SLCO1B1: variants seen among roughly 807,000 people sequenced by gnomAD.
SLCO1B1 encodes solute carrier organic anion transporter family member 1B1.
A neutral mutation model predicts 70.1 loss-of-function variants in SLCO1B1; 81 were observed. The observed-to-expected ratio is 1.16, with a 90% CI of 0.97 to 1.39. The LOEUF (loss-of-function observed/expected upper bound fraction) is 1.39. SLCO1B1 is among the 40% of genes most tolerant of loss of function. SLCO1B1 has a pLI of 0.00. For missense variants in SLCO1B1, 895 were observed against 799.6 expected, an observed-to-expected ratio of 1.12 and a Z score of -1.44; for synonymous variants, 283 against 271.5, an observed-to-expected ratio of 1.04 and a Z score of -0.42.
intron 2 of SLCO1B1, among the ~76,000 whole-genome samples, chr12:21,145,932 G>T (rs1008114029): frequency 6.6e-6 from 1 of 151,842 alleles, no homozygotes; most frequent in African/African-American, 2.4e-5. Flanking sequence ...TCTTTGTGTG[G>T]TCTTGGTATT....
At chr12:21,135,954 T>A (rs1591793926) in intron 1 of SLCO1B1, among the ~76,000 whole-genome samples, 1 of 152,204 alleles carries the variant, frequency 6.6e-6, no homozygotes, top group African/African-American at 2.4e-5. Context: ...ATTTGGCATG[T>A]TTTTGCAGTG....
In SLCO1B1 at chr12:21,233,085, A is replaced by G. The variant is rs1383162566; in HGVS notation, c.1866-5894A>G. On this transcript the variant is annotated intron_variant, in intron 14 of 14. Coordinates refer to ENST00000256958, the MANE Select transcript of SLCO1B1 (RefSeq NM_006446.5). ...CATTTGTCACCTCATTCAGCACCCAATATTGACCTGGCGAGGCTCAAACTT... is the reference window on the plus strand; with the variant it reads ...CATTTGTCACCTCATTCAGCACCCAGTATTGACCTGGCGAGGCTCAAACTT... Among the ~76,000 whole-genome samples, 5 of 152,222 alleles carry G rather than the reference A, an allele frequency of 3.3e-5. 1 individual carries two copies. Among genetic ancestry groups the G allele is most frequent in the South Asian group, 4.2e-4 (2 of 4,818 alleles).
intron 9 of SLCO1B1, among the ~76,000 whole-genome samples, chr12:21,201,038 T>C (rs562274213): frequency 6.6e-6 from 1 of 152,230 alleles, no homozygotes; most frequent in African/African-American, 2.4e-5. Flanking sequence ...AAGACTCAGT[T>C]ACTTACAAAA....
chr12:21,133,496 C>CT (rs1014868880), intron 1 of SLCO1B1, among the ~76,000 whole-genome samples: 5 of 152,172 alleles, frequency 3.3e-5, no homozygotes, highest in African/African-American at 1.2e-4. Context: ...TTCGTATCCT[C>CT]TTTTATTTCA....
At position 21,218,540 on chromosome 12, in the gene SLCO1B1, C is replaced by T. The variant is rs1325554901; in HGVS notation, c.1682+1237C>T. ...GAATTTACAGTTGTTTAATTTTGAC[C>T]CTGACTGCAAATCTTATCAAATTAT... On this transcript the variant is annotated intron_variant, in intron 12 of 14. Transcript: ENST00000256958. Among the ~76,000 whole-genome samples the T allele has an allele frequency of 4.6e-5, 7 of 151,904 alleles. No homozygotes were observed. In the East Asian group the frequency reaches 1.4e-3, roughly 29 times the overall value.
At chr12:21,154,203 TC>T (rs1490484318) in intron 2 of SLCO1B1, among the ~76,000 whole-genome samples, 2 of 152,020 alleles carry the variant, frequency 1.3e-5, no homozygotes, top group African/African-American at 4.8e-5. Flanking sequence ...AATGTTTGTT[TC>T]CCCCCAAATT....
chr12:21,203,685 T>C (rs1355517273), intron 10 of SLCO1B1, among the ~76,000 whole-genome samples: 1 of 152,136 alleles, frequency 6.6e-6, no homozygotes, highest in Non-Finnish European at 1.5e-5. Flanking sequence ...GTATCTCCTA[T>C]CCACCATCAA....
At chr12:21,235,640 G>A (rs191176153) in intron 14 of SLCO1B1, among the ~76,000 whole-genome samples, 1 of 152,124 alleles carries the variant, frequency 6.6e-6, no homozygotes. Context: ...AATAGGATCT[G>A]TAGGCTTTGT....
At chr12:21,197,281 A>T in intron 8 of SLCO1B1, 93 bp downstream of exon 8, 1 of 1,379,824 alleles carries the variant, frequency 7.2e-7, no homozygotes, top group Non-Finnish European at 1.0e-6. Context: ...TACCCAACTC[A>T]TCTGGAGTTG....
chr12:21,238,095 A>G (rs1941612544), intron 14 of SLCO1B1, among the ~76,000 whole-genome samples: 1 of 151,848 alleles, frequency 6.6e-6, no homozygotes, highest in Non-Finnish European at 1.5e-5. Context: ...CACTTATATA[A>G]TTGTCTCAAA....
intron 8 of SLCO1B1, among the ~76,000 whole-genome samples, chr12:21,200,013 C>G (rs1941137719): frequency 6.6e-6 from 1 of 152,088 alleles, no homozygotes; most frequent in African/African-American, 2.4e-5. Flanking sequence ...GTTGGCCAGG[C>G]TGGTCTCGAA....
chr12:21,141,294 T>C (rs1043812950), intron 1 of SLCO1B1, among the ~76,000 whole-genome samples: 26 of 137,304 alleles, frequency 1.9e-4, no homozygotes, highest in African/African-American at 6.4e-4. Context: ...TCTCCACAAA[T>C]TTATTTTTCT....
At chr12:21,208,863 A>C (rs1446127963) in intron 11 of SLCO1B1, among the ~76,000 whole-genome samples, 4 of 151,912 alleles carry the variant, frequency 2.6e-5, no homozygotes, top group Non-Finnish European at 4.4e-5. Context: ...ATGTATTCCT[A>C]GGTATTTAAT....
chr12:21,235,280 T>C (rs1322895455), intron 14 of SLCO1B1, among the ~76,000 whole-genome samples: 1 of 151,888 alleles, frequency 6.6e-6, no homozygotes, highest in East Asian at 1.9e-4. Flanking sequence ...AATTAAATGC[T>C]TTATCATTAT....
chr12:21,158,263 C>G (rs1423321772), intron 2 of SLCO1B1, among the ~76,000 whole-genome samples: 3 of 152,138 alleles, frequency 2.0e-5, no homozygotes, highest in African/African-American at 7.2e-5. Context: ...AATAACTTTG[C>G]AAATGATTAA....
At chr12:21,140,323 TATGTATTGTTTACATACATAGGAGCAAGA>T (rs1244106238) in intron 1 of SLCO1B1, among the ~76,000 whole-genome samples, 2 of 152,068 alleles carry the variant, frequency 1.3e-5, no homozygotes, top group African/African-American at 4.8e-5. Context: ...GATACATAAA[TATGTATTGTTTACATACATAGGAGCAAGA>T]ATGTATTTCT....
At chr12:21,136,226 G>T (rs1380894039) in intron 1 of SLCO1B1, among the ~76,000 whole-genome samples, 4 of 152,160 alleles carry the variant, frequency 2.6e-5, no homozygotes, top group Admixed American at 6.5e-5. Flanking sequence ...GCTTCCCTTT[G>T]TGGGTAACCC....
chr12:21,230,279 A>C (rs1941520087), intron 14 of SLCO1B1, among the ~76,000 whole-genome samples: 1 of 149,754 alleles, frequency 6.7e-6, no homozygotes, highest in Non-Finnish European at 1.5e-5. Flanking sequence ...ATTTTTTGAG[A>C]ATTTTTGCGT....
chr12:21,192,476 CTTT>C (rs908104259), intron 7 of SLCO1B1, among the ~76,000 whole-genome samples: 2 of 151,526 alleles, frequency 1.3e-5, no homozygotes, highest in African/African-American at 4.8e-5. Context: ...AGTCTTTTCT[CTTT>C]TGCTTAGTCT....
Sources: gnomAD v4.1 joint callset for allele counts (sites outside exome capture counted in the v4.1 genomes callset) on GRCh38, gnomAD v4.1.1 for gene constraint, MANE v1.5 for transcripts, NCBI Gene and HGNC (gene_info 2026-07-23, HGNC 2026-07-21) for gene names.